Variants in FBXO38 observed in about 807,000 individuals in gnomAD.
The protein encoded by FBXO38 is F-box only protein 38.
Under a neutral mutation model 131.9 loss-of-function variants are expected in FBXO38, and 53 were observed. The observed-to-expected ratio is 0.40, with a 90% CI of 0.32 to 0.51. FBXO38 has a LOEUF of 0.51. Ranked by LOEUF, FBXO38 falls within the 20% of genes least tolerant of loss-of-function variation. The pLI, the probability that FBXO38 is intolerant of heterozygous loss-of-function variation, is 0.53. For missense variants in FBXO38, 1,076 were observed against 1,475.6 expected (o/e 0.73, Z 4.44); for synonymous variants, 452 against 505.6 (o/e 0.89, Z 1.42).
chr5:148,423,845 A>C (rs1382200000), intron 12 of FBXO38, 153 bp from the exon 13 acceptor site: 1 of 575,294 alleles, frequency 1.7e-6, no homozygotes, highest in East Asian at 2.9e-5. Flanking sequence ...TATCTGCAGT[A>C]ACAAGCACAG....
intron 7 of FBXO38, among the ~76,000 whole-genome samples, chr5:148,406,612 A>G (rs1329364212): frequency 6.6e-6 from 1 of 152,188 alleles, no homozygotes; most frequent in Admixed American, 6.5e-5. Context: ...CAGTAGAGTG[A>G]TAAGACATGT....
At chr5:148,421,944 C>T (rs981763532) in intron 12 of FBXO38, among the ~76,000 whole-genome samples, 12 of 152,086 alleles carry the variant, frequency 7.9e-5, no homozygotes, top group Admixed American at 7.2e-4. Flanking sequence ...CTCTCCAAGA[C>T]GTTGAGTCAT....
At chr5:148,407,571 A>G (rs1752508760) in intron 7 of FBXO38, among the ~76,000 whole-genome samples, 1 of 152,158 alleles carries the variant, frequency 6.6e-6, no homozygotes, top group African/African-American at 2.4e-5. Flanking sequence ...ATATTGATAA[A>G]TTGTACCAAA....
At chr5:148,413,020 A>T (rs762240474) in intron 9 of FBXO38, among the ~76,000 whole-genome samples, 31 of 152,134 alleles carry the variant, frequency 2.0e-4, no homozygotes, top group Non-Finnish European at 2.1e-4. Context: ...GCATTTATTC[A>T]GATAGTGCCC....
intron 15 of FBXO38, among the ~76,000 whole-genome samples, chr5:148,428,595 A>T (rs1032225991): frequency 6.6e-6 from 1 of 152,124 alleles, no homozygotes; most frequent in African/African-American, 2.4e-5. Flanking sequence ...ACTGTTTCTG[A>T]CCTTATTTTT....
intron 10 of FBXO38, 43 bp from the exon 11 acceptor site, chr5:148,415,885 A>T (rs761244859): frequency 6.2e-7 from 1 of 1,608,322 alleles, no homozygotes; most frequent in African/African-American, 1.3e-5. Flanking sequence ...TAATGGGGAA[A>T]ATGTTACTTA....
intron 15 of FBXO38, among the ~76,000 whole-genome samples, chr5:148,431,885 T>C (rs1754062052): frequency 1.3e-5 from 2 of 152,200 alleles, no homozygotes; most frequent in Non-Finnish European, 2.9e-5. Context: ...TGGGCTCCTT[T>C]TCTGCCTTCA....
chr5:148,402,701 TGCTTCACAA>T (rs1379805330), intron 5 of FBXO38, 188 bp downstream of exon 5: 4 of 473,396 alleles, frequency 8.4e-6, no homozygotes, highest in African/African-American at 2.0e-5. Context: ...AGGGAAATAC[TGCTTCACAA>T]GTGTACATTC....
At chr5:148,426,753 A>G (rs1225773299) in intron 14 of FBXO38, among the ~76,000 whole-genome samples, 2 of 152,180 alleles carry the variant, frequency 1.3e-5, no homozygotes, top group South Asian at 2.1e-4. Flanking sequence ...CTAGTTGAAG[A>G]GTCATGTCAA....
chr5:148,415,252 G>C (rs1158248447), intron 10 of FBXO38: 1 of 151,996 alleles, frequency 6.6e-6, no homozygotes, highest in African/African-American at 2.4e-5. Flanking sequence ...AGAGTATAAA[G>C]AAGAAAACAA....
chr5:148,431,582 A>G (rs1425871092), intron 15 of FBXO38, among the ~76,000 whole-genome samples: 1 of 152,224 alleles, frequency 6.6e-6, no homozygotes, highest in Non-Finnish European at 1.5e-5. Flanking sequence ...TGTAGTGGAA[A>G]CAGGCTTGCT....
At chr5:148,406,119 A>G in intron 6 of FBXO38, 138 bp from the exon 7 acceptor site, 1 of 761,022 alleles carries the variant, frequency 1.3e-6, no homozygotes, top group Non-Finnish European at 2.0e-6. Context: ...CATTTGTAAC[A>G]AGAACCTGAT....
intron 1 of FBXO38, among the ~76,000 whole-genome samples, chr5:148,393,830 A>G (rs577835407): frequency 1.3e-5 from 2 of 152,120 alleles, no homozygotes; most frequent in Non-Finnish European, 2.9e-5. Flanking sequence ...AAACTTCCCT[A>G]TATCTGTACC....
intron 14 of FBXO38, 70 bp from the exon 15 acceptor site, chr5:148,427,143 T>A: frequency 6.6e-7 from 1 of 1,507,736 alleles, no homozygotes; most frequent in Non-Finnish European, 8.9e-7. Flanking sequence ...AATTTACTCT[T>A]GCGTTTTGTC....
At position 148,438,363 on chromosome 5, in the gene FBXO38, G is replaced by A; in HGVS notation, c.2889G>A (p.Lys963=). The A allele has an allele frequency of 6.2e-7, 1 of 1,613,804 alleles. No individual in the cohort carries two copies. Among genetic ancestry groups the A allele is most frequent in the Non-Finnish European group, 8.5e-7 (1 of 1,179,832 alleles). The change falls in exon 18 of 22, where the codon AAG becomes AAA. Residue 963 remains lysine, a synonymous_variant. Coordinates refer to ENST00000340253, the MANE Select transcript of FBXO38 (RefSeq NM_205836.3). ...ATRCRVLKHL[K]VENAPIVNRF... is the part of the protein sequence containing the mutation. ...GGTGCAGGGTACTAAAACATTTAAA[G>A]GTAGAAAATGCACCAATTGTAAACC...
intron 1 of FBXO38, among the ~76,000 whole-genome samples, chr5:148,384,499 C>T (rs993927527): frequency 1.3e-5 from 2 of 152,150 alleles, no homozygotes; most frequent in African/African-American, 4.8e-5. Context: ...GGCTGCCACG[C>T]CTGAGTATCA....
intron 14 of FBXO38, among the ~76,000 whole-genome samples, chr5:148,426,960 C>T (rs112448503): frequency 2.0e-5 from 3 of 151,876 alleles, no homozygotes; most frequent in African/African-American, 7.2e-5. Flanking sequence ...ATGGAGGGTA[C>T]GACATGGAAA....
rs141355914 is a variant in FBXO38, at chr5:148,414,211, T to A, written c.1169T>A (p.Ile390Lys). Residue 390 changes from isoleucine to lysine, a missense_variant, in exon 10 of 22, where the codon ATA (isoleucine) becomes AAA (lysine). By Grantham distance (102) the Ile-to-Lys change is moderately radical. This residue lies in a region of FBXO38 where 146 missense variants were observed against 274.3 expected (regional missense o/e 0.53). Coordinates refer to ENST00000340253, the MANE Select transcript of FBXO38 (RefSeq NM_205836.3). ...VVENPGIITD[I>K]GMKAVNEVFS... Reference sequence around the variant, plus strand: ...GAAAATCCTGGTATCATCACTGATATAGGGATGAAAGCAGTCAATGAAGTT... The same window carrying A: ...GAAAATCCTGGTATCATCACTGATAAAGGGATGAAAGCAGTCAATGAAGTT... The A allele has an allele frequency of 6.2e-7, 1 of 1,611,850 alleles. No individual in the cohort carries two copies. The highest frequency in any genetic ancestry group is 1.7e-5 in the Admixed American group (1 of 59,952).
chr5:148,435,546 C>T (rs1311974451), intron 17 of FBXO38, among the ~76,000 whole-genome samples: 2 of 152,106 alleles, frequency 1.3e-5, no homozygotes, highest in South Asian at 2.1e-4. Context: ...CCAAGGCGGG[C>T]GGATCACGAG....
Sources: allele counts gnomAD v4.1 joint callset (sites outside exome capture counted in the v4.1 genomes callset), GRCh38; gene constraint gnomAD v4.1.1; regional missense constraint gnomAD v4.1.1; transcripts MANE v1.5; gene names NCBI Gene and HGNC (gene_info 2026-07-23, HGNC 2026-07-21).